Variants in PPP2R5A observed in about 807,000 individuals in gnomAD.
PPP2R5A encodes the protein protein phosphatase 2 regulatory subunit B'alpha, also known as serine/threonine-protein phosphatase 2A 56 kDa regulatory subunit alpha isoform.
Under a neutral mutation model 64.2 loss-of-function variants are expected in PPP2R5A, and 25 were observed. The observed-to-expected ratio is 0.39, with a 90% CI of 0.28 to 0.54. PPP2R5A has a LOEUF of 0.54. Ranked by LOEUF, PPP2R5A falls within the 20% of genes least tolerant of loss-of-function variation. The pLI, the probability that PPP2R5A is intolerant of heterozygous loss-of-function variation, is 0.67. For synonymous variants in PPP2R5A, 198 were observed against 201.2 expected (o/e 0.98, Z 0.13); for missense variants, 425 against 576.3 (o/e 0.74, Z 2.69).
chr1:212,352,450 T>G (rs1057431168), intron 8 of PPP2R5A, among the ~76,000 whole-genome samples: 1 of 150,606 alleles, frequency 6.6e-6, no homozygotes, highest in Non-Finnish European at 1.5e-5. Flanking sequence ...TGTTTGTGTT[T>G]TGGGTTTTTT....
In PPP2R5A at chr1:212,328,150, T is replaced by C. The variant is rs564134925; in HGVS notation, c.182-985T>C. On this transcript the variant is annotated intron_variant, in intron 1 of 12. Coordinates refer to ENST00000261461, the MANE Select transcript of PPP2R5A (RefSeq NM_006243.4). ...GCTTTTAGTTGAGGGGTGCTGAGTA[T>C]GTAAAATATAATTGCTGTAAAGCAC... Among the ~76,000 whole-genome samples the C allele has an allele frequency of 2.0e-5, 3 of 152,286 alleles. No homozygotes were observed. In the East Asian group the frequency reaches 5.8e-4, roughly 29 times the overall value.
chr1:212,291,076 A>G (rs930065360), intron 1 of PPP2R5A, among the ~76,000 whole-genome samples: 1 of 151,920 alleles, frequency 6.6e-6, no homozygotes, highest in African/African-American at 2.4e-5. Context: ...GTGGTTCCCA[A>G]TCCTGGCTAT....
At chr1:212,312,313 C>T (rs1237189847) in intron 1 of PPP2R5A, among the ~76,000 whole-genome samples, 2 of 152,182 alleles carry the variant, frequency 1.3e-5, no homozygotes, top group Non-Finnish European at 2.9e-5. Flanking sequence ...GATGCATTCT[C>T]AGAATGTATT....
At chr1:212,335,997 A>G (rs1359594058) in intron 3 of PPP2R5A, among the ~76,000 whole-genome samples, 1 of 152,206 alleles carries the variant, frequency 6.6e-6, no homozygotes, top group African/African-American at 2.4e-5. Flanking sequence ...AGTAGACAAT[A>G]TGCTTTCCAT....
chr1:212,339,545 A>G (rs182049782), intron 3 of PPP2R5A, among the ~76,000 whole-genome samples: 142 of 152,286 alleles, frequency 9.3e-4, no homozygotes, highest in Non-Finnish European at 1.7e-3. Flanking sequence ...GCATAACAGC[A>G]TTTTGCTGCT....
At position 212,288,578 on chromosome 1, in the gene PPP2R5A, A is replaced by G. The variant is rs1022932916; in HGVS notation, c.181+2287A>G. ...TTACTTGGATTACAAACTAATAGGA[A>G]CAACTTCTTTTACTCCAGATGCCAA... On this transcript the variant is annotated intron_variant, in intron 1 of 12. Coordinates refer to ENST00000261461, the MANE Select transcript of PPP2R5A (RefSeq NM_006243.4). Among the ~76,000 whole-genome samples the G allele has an allele frequency of 2.6e-5, 4 of 152,314 alleles. No individual in the cohort carries two copies. In the South Asian group the frequency reaches 6.2e-4, roughly 24 times the overall value.
Position 212,349,184 on chromosome 1 carries a change from T to C in PPP2R5A, c.874-5T>C. ...AATATTTATAAACTGTCCCTTACCT[T>C]TTAGCTAGCATATTGTGTTGTACAG... On this transcript the variant is annotated splice_region_variant and splice_polypyrimidine_tract_variant and intron_variant, in intron 7 of 12. Transcript: ENST00000261461. 6.5e-7 allele frequency: 1 copy of C among 1,533,462 alleles called. No homozygotes were observed. Among genetic ancestry groups the C allele is most frequent in the Non-Finnish European group, 8.9e-7 (1 of 1,126,964 alleles). The allele number at this position is 1,533,462 out of a possible 1,614,324, so 95.0% of individuals were successfully genotyped here. A position where few individuals can be genotyped will look rare whatever the true frequency, so the allele number is the denominator to read the frequency against.
intron 3 of PPP2R5A, among the ~76,000 whole-genome samples, chr1:212,339,494 T>A (rs1659649821): frequency 6.6e-6 from 1 of 152,178 alleles, no homozygotes; most frequent in Admixed American, 6.6e-5. Context: ...TGTATTTAAG[T>A]AACTTTTTGT....
chr1:212,354,893 C>G (rs1475878123), intron 8 of PPP2R5A, among the ~76,000 whole-genome samples: 1 of 152,182 alleles, frequency 6.6e-6, no homozygotes, highest in Non-Finnish European at 1.5e-5. Flanking sequence ...ACATCCTGTA[C>G]AGGTTTGTAG....
intron 4 of PPP2R5A, 124 bp from the exon 5 acceptor site, chr1:212,345,677 CAG>C: frequency 3.7e-6 from 3 of 801,256 alleles, no homozygotes; most frequent in Non-Finnish European, 5.6e-6. Context: ...AGAATAAAGT[CAG>C]TGTGGTAAGG....
intron 1 of PPP2R5A, among the ~76,000 whole-genome samples, chr1:212,312,008 A>G (rs982067842): frequency 3.3e-5 from 5 of 152,226 alleles, no homozygotes. Context: ...CTAGGCCTTC[A>G]CATTCACTCA....
At chr1:212,358,501 C>G in intron 11 of PPP2R5A, 185 bp from the exon 12 acceptor site, 1 of 401,102 alleles carries the variant, frequency 2.5e-6, no homozygotes, top group Non-Finnish European at 4.5e-6. Flanking sequence ...TTTTCTTAGA[C>G]TGTCTCTACC....
intron 3 of PPP2R5A, among the ~76,000 whole-genome samples, chr1:212,337,748 C>G (rs139946075): frequency 9.1e-4 from 138 of 152,216 alleles, no homozygotes; most frequent in Non-Finnish European, 1.4e-3. Context: ...CCTAGGCTCC[C>G]TGTATTTAAA....
intron 2 of PPP2R5A, among the ~76,000 whole-genome samples, chr1:212,330,451 A>G (rs1382624158): frequency 6.6e-6 from 1 of 151,992 alleles, no homozygotes; most frequent in African/African-American, 2.4e-5. Context: ...CAGGAGGCTG[A>G]GGTGAGAGGA....
intron 8 of PPP2R5A, among the ~76,000 whole-genome samples, 180 bp downstream of exon 8, chr1:212,349,422 G>C (rs532118459): frequency 6.6e-6 from 1 of 152,098 alleles, no homozygotes; most frequent in Non-Finnish European, 1.5e-5. Context: ...GAGAGTTCTC[G>C]TGAGTTATGT....
At chr1:212,337,028 T>A (rs1659602796) in intron 3 of PPP2R5A, among the ~76,000 whole-genome samples, 1 of 152,196 alleles carries the variant, frequency 6.6e-6, no homozygotes, top group South Asian at 2.1e-4. Flanking sequence ...TTTTACTTAT[T>A]CTTACACTGT....
intron 1 of PPP2R5A, among the ~76,000 whole-genome samples, chr1:212,298,889 A>T (rs1473973882): frequency 1.3e-4 from 3 of 22,358 alleles, no homozygotes; most frequent in Admixed American, 3.5e-4. Flanking sequence ...CTGACCCCCC[A>T]CCTCCCTCCC....
At chr1:212,305,541 TC>T (rs1300545072) in intron 1 of PPP2R5A, among the ~76,000 whole-genome samples, 12 of 152,092 alleles carry the variant, frequency 7.9e-5, no homozygotes, top group African/African-American at 2.9e-4. Context: ...TCTGTAGTGT[TC>T]CATAGACACC....
chr1:212,346,419 T>C (rs1474644138), intron 5 of PPP2R5A, among the ~76,000 whole-genome samples: 1 of 151,880 alleles, frequency 6.6e-6, no homozygotes, highest in Non-Finnish European at 1.5e-5. Context: ...CCCCTGCTAA[T>C]AGCAGAATCC....
Sources: allele counts gnomAD v4.1 joint callset (sites outside exome capture counted in the v4.1 genomes callset), GRCh38; gene constraint gnomAD v4.1.1; transcripts MANE v1.5; gene names NCBI Gene and HGNC (gene_info 2026-07-23, HGNC 2026-07-21).